DAB2IP: variants seen among roughly 807,000 people sequenced by gnomAD.
The protein encoded by DAB2IP is disabled homolog 2-interacting protein.
DAB2IP carries 28 observed loss-of-function variants against 107.2 expected under a neutral mutation model. The observed-to-expected ratio is 0.26, with a 90% CI of 0.19 to 0.36. DAB2IP has a LOEUF of 0.36. DAB2IP is among the 10% of genes least tolerant of loss of function. DAB2IP has a pLI of 1.00. For synonymous variants in DAB2IP, 755 were observed against 706.4 expected (o/e 1.07, Z -1.09); for missense variants, 1,400 against 1,644.7 (o/e 0.85, Z 2.57).
intron 1 of DAB2IP, among the ~76,000 whole-genome samples, chr9:121,668,817 A>C (rs910321485): frequency 1.3e-5 from 2 of 152,054 alleles, no homozygotes; most frequent in African/African-American, 4.8e-5. Flanking sequence ...TTTCTATGTA[A>C]GTGCATGCAC....
In DAB2IP at chr9:121,782,302, AC is replaced by A. The variant is rs759749515; in HGVS notation, c.3403-24del. On this transcript the variant is annotated intron_variant, in intron 15 of 15. Coordinates refer to ENST00000408936, the Ensembl canonical transcript of DAB2IP. This position sits in a 1 kb window ranked among gnomAD's most constrained non-coding sequence, Gnocchi z 6.1. ...ACAGCCCTAAGGAGCCTGTCCCATG[AC>A]CCCCGCTCACATCCCCATTGTCCAC... is the stretch of plus-strand genomic sequence containing the variant. 11 of 1,602,274 alleles carry A rather than the reference AC, an allele frequency of 6.9e-6. 1 individual carries two copies. The South Asian group carries it at 1.2e-4, about 18-fold the overall frequency.
rs1564143999 is a variant in DAB2IP, at chr9:121,666,917, A to ACACACACAC, written c.125-11758_125-11757insACACACCAC. Among the ~76,000 whole-genome samples the ACACACACAC allele has an allele frequency of 1.5e-3, 157 of 104,748 alleles. 1 individual carries two copies. The highest frequency in any genetic ancestry group is 4.5e-3 in the African/African-American group (136 of 29,986). The allele number at this position is 104,748 out of a possible 152,430, so 68.7% of individuals were successfully genotyped here. Reference sequence around the variant, plus strand: ...ACACACACACACACACACACACACAACACTCTTAAATAGACGTACACAGAG... The same window carrying ACACACACAC: ...ACACACACACACACACACACACACAACACACACACCACTCTTAAATAGACGTACACAGAG... On this transcript the variant is annotated intron_variant, in intron 1 of 15. Transcript: ENST00000408936.
intron 10 of DAB2IP, 119 bp downstream of exon 10, chr9:121,768,752 G>GTCC: frequency 7.9e-7 from 1 of 1,270,038 alleles, no homozygotes; most frequent in East Asian, 2.5e-5. Flanking sequence ...ATCAGGCCAG[G>GTCC]TCCTGTCAGA....
At chr9:121,729,426 C>A (rs1404305224) in intron 3 of DAB2IP, among the ~76,000 whole-genome samples, 1 of 152,182 alleles carries the variant, frequency 6.6e-6, no homozygotes, top group Non-Finnish European at 1.5e-5. Context: ...GTCCCCTTAA[C>A]TTTATGACAA....
At chr9:121,641,013 A>G (rs529476656) in intron 1 of DAB2IP, among the ~76,000 whole-genome samples, 16 of 152,292 alleles carry the variant, frequency 1.1e-4, no homozygotes, top group African/African-American at 3.6e-4. Context: ...TCCCCTCTTT[A>G]TACCCCATCT....
chr9:121,616,489 A>G (rs1458716182), intron 1 of DAB2IP, among the ~76,000 whole-genome samples: 3 of 152,176 alleles, frequency 2.0e-5, no homozygotes, highest in African/African-American at 7.2e-5. Context: ...AGGCGTTTTT[A>G]AAGGCGTTGG....
chr9:121,567,963 C>T (rs1263526713), intron 1 of DAB2IP, among the ~76,000 whole-genome samples: 7 of 151,840 alleles, frequency 4.6e-5, no homozygotes, highest in Admixed American at 2.0e-4. Context: ...CAAGGAGGGA[C>T]GCAAGAGTGC....
chr9:121,651,067 G>A (rs184572380), upstream of DAB2IP, among the ~76,000 whole-genome samples: 2 of 152,302 alleles, frequency 1.3e-5, no homozygotes, highest in Admixed American at 1.3e-4. This position sits in a 1 kb window ranked among gnomAD's most constrained non-coding sequence, Gnocchi z 5.1. Context: ...GTAGGGTAGG[G>A]ATTGTTCTGC....
chr9:121,700,398 C>T (rs575999183), intron 3 of DAB2IP, among the ~76,000 whole-genome samples: 15 of 152,308 alleles, frequency 9.8e-5, no homozygotes, highest in African/African-American at 3.6e-4. Flanking sequence ...TCCACTTAGG[C>T]ACAGGCATGG....
In DAB2IP at chr9:121,771,460, C is replaced by T. The variant is rs114542746; in HGVS notation, c.2078+736C>T. Among the ~76,000 whole-genome samples, 330 of 152,226 alleles carry T rather than the reference C, an allele frequency of 2.2e-3. 1 individual carries two copies. Among genetic ancestry groups the T allele is most frequent in the African/African-American group, 5.8e-3 (239 of 41,542 alleles). On this transcript the variant is annotated intron_variant, in intron 11 of 15. Transcript: ENST00000408936. ...GGTGGTGGCAGGGCAGGCTTTTAAGCAGGGGAGGGTGCTGAGATCAAGAAC... is the reference window on the plus strand; with the variant it reads ...GGTGGTGGCAGGGCAGGCTTTTAAGTAGGGGAGGGTGCTGAGATCAAGAAC...
chr9:121,688,130 G>A lies in DAB2IP; in HGVS notation c.228+9349G>A, dbSNP rs530084010. 2.6e-5 allele frequency among the ~76,000 whole-genome samples: 4 copies of A among 152,158 alleles called. No homozygotes were observed. The East Asian group carries it at 5.8e-4, about 22-fold the overall frequency. ...CAGGTCCTCCCCTTTCCTGGGAGGT[G>A]GGGGAGCCTGCATGTCAGGGGCAAG... On this transcript the variant is annotated intron_variant, in intron 2 of 15. Transcript: ENST00000408936.
At chr9:121,696,806 T>C (rs1472498463) in intron 2 of DAB2IP, among the ~76,000 whole-genome samples, 1 of 152,238 alleles carries the variant, frequency 6.6e-6, no homozygotes, top group African/African-American at 2.4e-5. Context: ...AGCTGAGTTC[T>C]CTGGGGGACA....
chr9:121,728,969 A>C (rs1831377221), intron 3 of DAB2IP, among the ~76,000 whole-genome samples: 1 of 152,216 alleles, frequency 6.6e-6, no homozygotes, highest in African/African-American at 2.4e-5. Context: ...GTTGAGTTAC[A>C]TTATTGTAAT....
rs780974907 is a variant in DAB2IP at position 121,590,258 on chromosome 9, G to A, written c.40+23030G>A. Among the ~76,000 whole-genome samples, 5 of 149,392 alleles carry A rather than the reference G, an allele frequency of 3.3e-5. No individual in the cohort carries two copies. In the East Asian group the frequency reaches 5.9e-4, roughly 18 times the overall value. ...TCATGCCCCACACGCACACTAGATCGGAGCTGCTTTCTCCTTCTGGCCCCT... is the reference window on the plus strand; with the variant it reads ...TCATGCCCCACACGCACACTAGATCAGAGCTGCTTTCTCCTTCTGGCCCCT... On this transcript the variant is annotated intron_variant, in intron 1 of 16. Transcript: ENST00000259371.
At chr9:121,744,427 ATTGGGC>A (rs1832577359) in intron 3 of DAB2IP, among the ~76,000 whole-genome samples, 1 of 152,176 alleles carries the variant, frequency 6.6e-6, no homozygotes, top group African/African-American at 2.4e-5. Context: ...CAGAGGAAGG[ATTGGGC>A]TTGTTACAGC....
At position 121,776,359 on chromosome 9, in the gene DAB2IP, C is replaced by G. The variant is rs2119024941; in HGVS notation, c.3282C>G (p.Asp1094Glu). The G allele has an allele frequency of 1.3e-6, 2 of 1,549,698 alleles. No homozygotes were observed. The highest frequency in any genetic ancestry group is 1.7e-6 in the Non-Finnish European group (2 of 1,146,464). The change falls in exon 14 of 16, where the codon GAC becomes GAG. Residue 1094 changes from aspartate (D) to glutamate (E), a missense_variant. Asp to Glu is a conservative substitution (Grantham distance 45, BLOSUM62 2). Coordinates refer to ENST00000408936, the Ensembl canonical transcript of DAB2IP. This position sits in a 1 kb window ranked among gnomAD's most constrained non-coding sequence, Gnocchi z 5.4. ...AGCGGCTGCGGCGGCAGCAGGAGGA[C>G]AAGGACATCCAGATGAAGGGCATCA... is the stretch of plus-strand genomic sequence containing the variant.
intron 1 of DAB2IP, among the ~76,000 whole-genome samples, chr9:121,636,304 C>T (rs1489526783): frequency 6.6e-6 from 1 of 152,222 alleles, no homozygotes; most frequent in Non-Finnish European, 1.5e-5. Context: ...CCTGGCCAGA[C>T]CTCCTGCTCT....
intron 3 of DAB2IP, among the ~76,000 whole-genome samples, chr9:121,707,604 A>G (rs1489553771): frequency 6.6e-6 from 1 of 152,174 alleles, no homozygotes; most frequent in Non-Finnish European, 1.5e-5. Context: ...AGAGATAGAG[A>G]TGGCACCAGG....
chr9:121,772,691 C>T lies in DAB2IP; in HGVS notation c.2163C>T (p.Pro721=). 1.9e-6 allele frequency: 3 copies of T among 1,614,066 alleles called. No homozygotes were observed. The highest frequency in any genetic ancestry group is 2.5e-6 in the Non-Finnish European group (3 of 1,180,016). ...TCACAAGGTCCTCCGGGGTCCAGCCCTCACCTGCCCGCAGCTCGAGTTACT... is the reference window on the plus strand; with the variant it reads ...TCACAAGGTCCTCCGGGGTCCAGCCTTCACCTGCCCGCAGCTCGAGTTACT... The change falls in exon 12 of 16, where the codon CCC becomes CCT. Residue 721 remains proline, a synonymous_variant. Transcript: ENST00000408936. The surrounding 1 kb of genome is among the most constrained non-coding windows in gnomAD (Gnocchi z 4.7).
Sources: gnomAD v4.1 joint callset for allele counts (sites outside exome capture counted in the v4.1 genomes callset) on GRCh38, gnomAD v4.1.1 for gene constraint, Gnocchi (gnomAD v3.1) non-coding constraint, MANE v1.5 for transcripts, NCBI Gene and HGNC (gene_info 2026-07-23, HGNC 2026-07-21) for gene names.